Variants in EP400 observed in about 807,000 individuals in gnomAD.
EP400 encodes E1A binding protein p400.
In EP400, 105 loss-of-function variants were observed where a neutral mutation model predicts 354.1. That is an observed-to-expected ratio of 0.30 (90% CI 0.25 to 0.35). The LOEUF is 0.35. EP400 is among the 10% of genes least tolerant of loss of function. The probability of loss-of-function intolerance (pLI) is 1.00; values close to 1 mark genes in which losing one functional copy is unlikely to be tolerated. For synonymous variants in EP400, 1,646 were observed against 1,716.9 expected (o/e 0.96, Z 1.02); for missense variants, 3,280 against 4,121.0 (o/e 0.80, Z 5.59).
At chr12:132,040,889 T>C (rs1039093998) in intron 32 of EP400, among the ~76,000 whole-genome samples, 2 of 152,144 alleles carry the variant, frequency 1.3e-5, no homozygotes, top group African/African-American at 4.8e-5. Flanking sequence ...CTGACTCCTT[T>C]GTTGAGACTC....
Position 132,017,402 on chromosome 12 carries a change from C to G in EP400, c.3924-133C>G, listed in dbSNP as rs563625272. On this transcript the variant is annotated intron_variant, in intron 19 of 52. Coordinates refer to ENST00000389561, the MANE Select transcript of EP400 (RefSeq NM_015409.5). The surrounding 1 kb of genome is among the most constrained non-coding windows in gnomAD (Gnocchi z 5.0). ...ATGTGGACTTGAATGGCCACTCTGT[C>G]TAACTCATTAAGCGGACCTAGAAAA... is the stretch of plus-strand genomic sequence containing the variant. 2.2e-6 allele frequency: 2 copies of G among 894,992 alleles called. No individual in the cohort carries two copies. Among genetic ancestry groups the G allele is most frequent in the African/African-American group, 1.7e-5 (1 of 59,300 alleles). The allele number at this position is 894,992 out of a possible 1,614,324, so 55.4% of individuals were successfully genotyped here. A position where few individuals can be genotyped will look rare whatever the true frequency, so the allele number is the denominator to read the frequency against.
intron 1 of EP400, among the ~76,000 whole-genome samples, chr12:131,951,915 T>A (rs1891515596): frequency 6.6e-6 from 1 of 151,918 alleles, no homozygotes; most frequent in South Asian, 2.1e-4. Context: ...TAGCTGGGAT[T>A]ACAGGTGCCT....
chr12:132,021,945 T>G (rs1302722191), intron 23 of EP400, among the ~76,000 whole-genome samples: 11 of 152,212 alleles, frequency 7.2e-5, no homozygotes, highest in Non-Finnish European at 1.2e-4. Flanking sequence ...GTGGTGGAAA[T>G]TATCCTGACT....
rs774347511 is a variant in EP400, at chr12:132,078,022, C to T, written c.*349C>T. ...CTTTGTGAGCATGTAGTGCTTTGCA[C>T]GCCACAGAAGCCGTCTGCCGTGTGT... On this transcript the variant is annotated 3_prime_UTR_variant, in exon 53 of 53. Coordinates refer to ENST00000389561, the MANE Select transcript of EP400 (RefSeq NM_015409.5). 25 of 249,576 alleles carry T rather than the reference C, an allele frequency of 1.0e-4. No homozygotes were observed. Among genetic ancestry groups the T allele is most frequent in the South Asian group, 3.5e-4 (5 of 14,420 alleles). 15.5% of individuals were successfully genotyped at this position (249,576 alleles called of 1,614,324 possible). A position where few individuals can be genotyped will look rare whatever the true frequency, so the allele number is the denominator to read the frequency against.
rs1892707682 is a variant in EP400 at position 131,982,298 on chromosome 12, G to A, written c.1749G>A (p.Val583=). 1 of 1,614,182 alleles carries A rather than the reference G, an allele frequency of 6.2e-7. No homozygotes were observed. Residue 583 remains valine (V), a synonymous_variant, in exon 5 of 53, where the codon GTG becomes GTA. Coordinates refer to ENST00000389561, the MANE Select transcript of EP400 (RefSeq NM_015409.5). ...SALQFAQQPQ[V]VEAQTQLQIP... ...TGCAGTTTGCACAGCAGCCGCAAGT[G>A]GTAGAGGCCCAGACACAGCTCCAAA...
intron 1 of EP400, among the ~76,000 whole-genome samples, chr12:131,958,410 A>G (rs1330477181): frequency 1.3e-5 from 2 of 152,134 alleles, no homozygotes; most frequent in Admixed American, 6.5e-5. Flanking sequence ...TGATCAAAGC[A>G]TGCCTTTCTG....
intron 7 of EP400, among the ~76,000 whole-genome samples, chr12:131,989,583 C>T (rs933097194): frequency 6.6e-6 from 1 of 152,164 alleles, no homozygotes; most frequent in Non-Finnish European, 1.5e-5. Flanking sequence ...TGTGAATTAT[C>T]GCAGCCCAAT....
At position 131,994,798 on chromosome 12, in the gene EP400, A is replaced by T; in HGVS notation, c.2738-69A>T. On this transcript the variant is annotated intron_variant, in intron 11 of 52. Transcript: ENST00000389561. This position sits in a 1 kb window ranked among gnomAD's most constrained non-coding sequence, Gnocchi z 4.6. ...ATGCAAAATAATTTCGAAGCCTTAT[A>T]GTGTGTAATGAGTAACAGACACTCA... 7.5e-7 allele frequency: 1 copy of T among 1,334,670 alleles called. No homozygotes were observed. Among genetic ancestry groups the T allele is most frequent in the Non-Finnish European group, 1.1e-6 (1 of 937,630 alleles). The allele number at this position is 1,334,670 out of a possible 1,614,324, so 82.7% of individuals were successfully genotyped here.
intron 12 of EP400, among the ~76,000 whole-genome samples, chr12:132,001,171 C>T (rs1395154433): frequency 1.3e-5 from 2 of 152,180 alleles, no homozygotes; most frequent in Admixed American, 1.3e-4. Context: ...CAGGGGACCA[C>T]TCCCACCAAG....
At chr12:132,055,524 G>C (rs1296342405) in intron 45 of EP400, among the ~76,000 whole-genome samples, 15 of 135,082 alleles carry the variant, frequency 1.1e-4, no homozygotes, top group Non-Finnish European at 1.6e-5. Flanking sequence ...GAGGTGTAGG[G>C]GTGTGTGTGA....
At chr12:131,969,675 A>G (rs1238328868) in intron 2 of EP400, among the ~76,000 whole-genome samples, 3 of 152,148 alleles carry the variant, frequency 2.0e-5, no homozygotes, top group Non-Finnish European at 4.4e-5. Context: ...CATTTCGACA[A>G]AGAGCCTGGT....
chr12:132,076,273 G>T, intron 51 of EP400: 469 of 503,206 alleles, frequency 9.3e-4, no homozygotes, highest in East Asian at 1.4e-3. Context: ...TCTGAAATAT[G>T]AGACCAAAAA....
Position 131,994,896 on chromosome 12 carries a change from G to A in EP400, c.2767G>A (p.Glu923Lys), listed in dbSNP as rs768941409. 1 of 1,614,118 alleles carries A rather than the reference G, an allele frequency of 6.2e-7. No individual in the cohort carries two copies. Among genetic ancestry groups the A allele is most frequent in the Non-Finnish European group, 8.5e-7 (1 of 1,179,988 alleles). ...CGATGAAGAGGAAACAATTGAAGAG[G>A]AGGAAGCAAATGAAGGCGTTGTGGA... Reference protein sequence around the residue: ...VDDEEETIEEEEANEGVVDHQ... With the variant: ...VDDEEETIEEKEANEGVVDHQ... Residue 923 changes from glutamate (E) to lysine (K), a missense_variant, in exon 12 of 53, where the codon GAG becomes AAG. Transcript: ENST00000389561. The surrounding 1 kb of genome is among the most constrained non-coding windows in gnomAD (Gnocchi z 4.6).
intron 12 of EP400, 30 bp from the exon 13 acceptor site, chr12:132,005,047 A>C: frequency 6.6e-7 from 1 of 1,507,700 alleles, no homozygotes; most frequent in African/African-American, 1.4e-5. Flanking sequence ...GTTATAAAGT[A>C]ACAGCCCTTC....
chr12:132,046,254 TA>T (rs1354062008), intron 39 of EP400, among the ~76,000 whole-genome samples: 2 of 152,208 alleles, frequency 1.3e-5, no homozygotes, highest in Non-Finnish European at 2.9e-5. Context: ...CATATATATA[TA>T]CATTTTCAAG....
chr12:132,030,001 C>T lies in EP400; in HGVS notation c.5597C>T (p.Ala1866Val), dbSNP rs745539810. 13 of 1,614,018 alleles carry T rather than the reference C, an allele frequency of 8.1e-6. No individual in the cohort carries two copies. In the South Asian group the frequency reaches 1.3e-4, roughly 16 times the overall value. The change falls in exon 29 of 53, where the codon GCT becomes GTT. Residue 1866 changes from alanine (A) to valine (V), a missense_variant. By Grantham distance (64) the Ala-to-Val change is moderately conservative (BLOSUM62 0). This residue lies in a region of EP400 where 459 missense variants were observed against 496.9 expected (regional missense o/e 0.92). Coordinates refer to ENST00000389561, the MANE Select transcript of EP400 (RefSeq NM_015409.5). ...LVQFDSGKLEALAILLQKLKS... is the reference protein window; with the variant it reads ...LVQFDSGKLEVLAILLQKLKS... ...ATTCGTTTCCCAGGGAAGTTGGAAG[C>T]TTTAGCTATCTTGCTTCAGAAATTG...
rs762028748 is a variant in EP400 at position 132,023,916 on chromosome 12, A to G, written c.4830A>G (p.Thr1610=). 1 of 1,607,540 alleles carries G rather than the reference A, an allele frequency of 6.2e-7. No individual in the cohort carries two copies. Among genetic ancestry groups the G allele is most frequent in the Admixed American group, 1.7e-5 (1 of 59,242 alleles). Residue 1610 remains threonine, a synonymous_variant, in exon 24 of 53, where the codon ACA becomes ACG. Coordinates refer to ENST00000389561, the MANE Select transcript of EP400 (RefSeq NM_015409.5). ...CACACAGCCAGCTCCGGCAGCTCACAGCGGGCCAGCCGCTGCAGCTGCAAG... is the reference window on the plus strand; with the variant it reads ...CACACAGCCAGCTCCGGCAGCTCACGGCGGGCCAGCCGCTGCAGCTGCAAG... ...TLSHSQLRQL[T]AGQPLQLQGS...
chr12:131,973,011 C>T (rs1357527831), intron 2 of EP400, among the ~76,000 whole-genome samples: 1 of 152,190 alleles, frequency 6.6e-6, no homozygotes, highest in South Asian at 2.1e-4. Context: ...GGATTACAGG[C>T]ATGAGCCACC....
intron 2 of EP400, among the ~76,000 whole-genome samples, chr12:131,971,443 A>G (rs555184944): frequency 3.9e-5 from 6 of 152,334 alleles, no homozygotes; most frequent in Non-Finnish European, 8.8e-5. Context: ...CAGTGAACAC[A>G]GGAGTGCAGA....
Sources: gnomAD v4.1 joint callset for allele counts (sites outside exome capture counted in the v4.1 genomes callset) on GRCh38, gnomAD v4.1.1 for gene constraint, gnomAD v4.1.1 regional missense constraint, Gnocchi (gnomAD v3.1) non-coding constraint, MANE v1.5 for transcripts, NCBI Gene and HGNC (gene_info 2026-07-23, HGNC 2026-07-21) for gene names.